Variants in ANXA8 observed in about 807,000 individuals in gnomAD.
The protein encoded by ANXA8 is VAC-beta.
A neutral mutation model predicts 26.8 loss-of-function variants in ANXA8; 9 were observed. The observed-to-expected ratio is 0.34, with a 90% CI of 0.20 to 0.59. The LOEUF (loss-of-function observed/expected upper bound fraction) is 0.59, where lower values mean the gene tolerates loss of function less well. ANXA8 is among the 20% of genes least tolerant of loss of function. The pLI is 0.84. For synonymous variants in ANXA8, 39 were observed against 94.8 expected, an observed-to-expected ratio of 0.41 and a Z score of 3.42; for missense variants, 83 against 238.5, an observed-to-expected ratio of 0.35 and a Z score of 4.29.
At chr10:47,658,910 C>T in the ANXA8 span, among the ~76,000 whole-genome samples, 24 of 148,354 alleles carry the variant, frequency 1.6e-4, no homozygotes, top group African/African-American at 5.5e-4. Flanking sequence ...CTTGCTCTGT[C>T]GCCCAGGCTG....
the ANXA8 span, among the ~76,000 whole-genome samples, chr10:47,907,737 C>T: frequency 7.2e-6 from 1 of 139,552 alleles, no homozygotes; most frequent in Non-Finnish European, 1.6e-5. Context: ...CACTGCACTC[C>T]AGCCTGGGCA....
At chr10:47,572,286 C>CA in the ANXA8 span, among the ~76,000 whole-genome samples, 1 of 144,948 alleles carries the variant, frequency 6.9e-6, no homozygotes, top group African/African-American at 2.6e-5. Context: ...CTGATGTCTC[C>CA]ACCCTTCTCA....
chr10:47,687,964 G>C, the ANXA8 span, among the ~76,000 whole-genome samples: 2 of 151,800 alleles, frequency 1.3e-5, no homozygotes, highest in African/African-American at 4.8e-5. Flanking sequence ...GCTGGGCGTG[G>C]TGGTAGACGG....
At chr10:47,711,326 T>A in the ANXA8 span, among the ~76,000 whole-genome samples, 1 of 150,332 alleles carries the variant, frequency 6.7e-6, no homozygotes, top group African/African-American at 2.5e-5. Context: ...TTCCCTTTGC[T>A]CTTGTGAGAT....
the ANXA8 span, among the ~76,000 whole-genome samples, chr10:47,942,781 G>A: frequency 5.5e-5 from 8 of 145,154 alleles, no homozygotes; most frequent in South Asian, 4.3e-4. Flanking sequence ...AGGTGTTATC[G>A]CTGTCGCTGA....
intron 8 of ANXA8, 91 bp from the exon 9 acceptor site, chr10:47,474,156 C>A: frequency 1.8e-6 from 1 of 563,114 alleles, no homozygotes; most frequent in South Asian, 2.1e-5. Context: ...AATTTGCCGC[C>A]CTGACCTCCC....
At chr10:47,695,304 C>A in the ANXA8 span, among the ~76,000 whole-genome samples, 1 of 151,180 alleles carries the variant, frequency 6.6e-6, no homozygotes, top group African/African-American at 2.4e-5. Flanking sequence ...GGGACAAGCA[C>A]CTGTTGGGAG....
At chr10:47,593,072 C>G in the ANXA8 span, among the ~76,000 whole-genome samples, 1 of 143,422 alleles carries the variant, frequency 7.0e-6, no homozygotes, top group Admixed American at 6.8e-5. Flanking sequence ...AGACTCCATA[C>G]TGGTGTTGCA....
chr10:47,665,093 G>GT, the ANXA8 span, among the ~76,000 whole-genome samples: 7 of 147,762 alleles, frequency 4.7e-5, no homozygotes, highest in South Asian at 6.3e-4. Context: ...TTTTGATTTT[G>GT]TTTTTTTGGC....
chr10:47,613,193 G>A, the ANXA8 span, among the ~76,000 whole-genome samples: 4 of 148,322 alleles, frequency 2.7e-5, no homozygotes, highest in African/African-American at 9.8e-5. Flanking sequence ...TTACAGTTCA[G>A]AAAAGTAGGA....
At chr10:47,490,008 C>A in the ANXA8 span, among the ~76,000 whole-genome samples, 6 of 150,260 alleles carry the variant, frequency 4.0e-5, no homozygotes, top group Non-Finnish European at 8.8e-5. Context: ...CCCCTTGGCC[C>A]TGCCCGGCCT....
At chr10:47,595,544 T>C in the ANXA8 span, among the ~76,000 whole-genome samples, 1 of 149,034 alleles carries the variant, frequency 6.7e-6, no homozygotes, top group Non-Finnish European at 1.5e-5. Flanking sequence ...CACTCATGGG[T>C]TCAAAGTAAA....
chr10:47,574,273 G>T, the ANXA8 span, among the ~76,000 whole-genome samples: 1 of 100,226 alleles, frequency 1.0e-5, no homozygotes, highest in Non-Finnish European at 2.1e-5. Flanking sequence ...TTGCTATCAC[G>T]CCTGGTTAAT....
the ANXA8 span, among the ~76,000 whole-genome samples, chr10:47,614,695 G>T: frequency 7.0e-5 from 4 of 56,796 alleles, 1 homozygote; most frequent in East Asian, 6.1e-4. Flanking sequence ...TTGCACTCTT[G>T]TTGCCTAGGC....
the ANXA8 span, among the ~76,000 whole-genome samples, chr10:47,950,346 A>C: frequency 1.2e-3 from 184 of 151,664 alleles, 1 homozygote; most frequent in African/African-American, 4.0e-3. Context: ...AAGTAGAAAA[A>C]ATGAATAAAG....
chr10:47,552,546 C>T, the ANXA8 span, among the ~76,000 whole-genome samples: 7 of 152,214 alleles, frequency 4.6e-5, no homozygotes, highest in South Asian at 2.1e-4. Context: ...CATCTACATA[C>T]ATTTGAAAAA....
the ANXA8 span, among the ~76,000 whole-genome samples, chr10:47,953,118 A>G: frequency 1.3e-5 from 2 of 150,436 alleles, no homozygotes; most frequent in South Asian, 4.2e-4. Context: ...GGCCTTATTG[A>G]AATTAAAAGT....
At chr10:47,735,572 A>G in the ANXA8 span, among the ~76,000 whole-genome samples, 1 of 145,950 alleles carries the variant, frequency 6.9e-6, no homozygotes, top group Non-Finnish European at 1.5e-5. Flanking sequence ...TAGTCTTTCA[A>G]TGTTGCCCAG....
the ANXA8 span, among the ~76,000 whole-genome samples, chr10:47,959,700 A>G: frequency 6.7e-6 from 1 of 148,520 alleles, no homozygotes; most frequent in Non-Finnish European, 1.5e-5. Context: ...CCTGGATCCA[A>G]CCTCACTTCA....
Sources: gnomAD v4.1 joint callset for allele counts (sites outside exome capture counted in the v4.1 genomes callset) on GRCh38, gnomAD v4.1.1 for gene constraint, MANE v1.5 for transcripts, NCBI Gene and HGNC (gene_info 2026-07-23, HGNC 2026-07-21) for gene names.